Variants in EDIL3 observed in about 807,000 individuals in gnomAD.
The protein encoded by EDIL3 is EGF like and discoidin domains 3, also known as EGF-like repeat and discoidin I-like domain-containing protein 3.
A neutral mutation model predicts 67.4 loss-of-function variants in EDIL3; 37 were observed. That is an observed-to-expected ratio of 0.55 (90% confidence interval 0.42 to 0.72). The LOEUF is 0.72. Ranked by LOEUF, EDIL3 falls within the 30% of genes least tolerant of loss-of-function variation. The pLI is 0.00. For synonymous variants in EDIL3, 195 were observed against 196.3 expected (o/e 0.99, Z 0.05); for missense variants, 527 against 586.3 (o/e 0.90, Z 1.04).
At chr5:84,283,958 A>T (rs1005733090) in intron 1 of EDIL3, among the ~76,000 whole-genome samples, 1 of 152,142 alleles carries the variant, frequency 6.6e-6, no homozygotes, top group African/African-American at 2.4e-5. Flanking sequence ...TCTCATTCCC[A>T]GAGTTCAATC....
chr5:84,218,484 T>C (rs1463623712), intron 3 of EDIL3, among the ~76,000 whole-genome samples: 1 of 152,182 alleles, frequency 6.6e-6, no homozygotes, highest in South Asian at 2.1e-4. Context: ...CCTCCACCAA[T>C]TGTCCTCCCT....
intron 5 of EDIL3, among the ~76,000 whole-genome samples, chr5:84,135,837 A>G (rs1022924489): frequency 6.6e-6 from 1 of 151,800 alleles, no homozygotes; most frequent in African/African-American, 2.4e-5. Flanking sequence ...TTTTTTTCCC[A>G]ATTCAAGATT....
intron 6 of EDIL3, among the ~76,000 whole-genome samples, chr5:84,098,140 T>G (rs1223134316): frequency 6.6e-6 from 1 of 151,988 alleles, no homozygotes; most frequent in Non-Finnish European, 1.5e-5. Flanking sequence ...TTACCAACTC[T>G]TTAAATCCAG....
At chr5:84,013,370 A>T (rs1453758083) in intron 9 of EDIL3, among the ~76,000 whole-genome samples, 1 of 152,136 alleles carries the variant, frequency 6.6e-6, no homozygotes, top group African/African-American at 2.4e-5. Context: ...TGTAGTTTAG[A>T]GCAAGAGTGA....
At chr5:84,271,570 A>G (rs1001622948) in intron 1 of EDIL3, among the ~76,000 whole-genome samples, 1 of 152,132 alleles carries the variant, frequency 6.6e-6, no homozygotes, top group East Asian at 1.9e-4. Flanking sequence ...TGAAGCCCCC[A>G]GTCACTGATA....
At chr5:84,183,493 T>G (rs1488212852) in intron 3 of EDIL3, among the ~76,000 whole-genome samples, 3 of 152,152 alleles carry the variant, frequency 2.0e-5, no homozygotes, top group Non-Finnish European at 2.9e-5. Context: ...ATTATATAAT[T>G]TTAAGCAAAT....
chr5:84,000,880 T>G (rs572971394), intron 9 of EDIL3, among the ~76,000 whole-genome samples: 1 of 151,428 alleles, frequency 6.6e-6, no homozygotes, highest in Non-Finnish European at 1.5e-5. Context: ...CAGTAATAAA[T>G]AAATAAATAA....
chr5:84,143,669 A>G (rs1748244155), intron 4 of EDIL3, among the ~76,000 whole-genome samples: 1 of 152,092 alleles, frequency 6.6e-6, no homozygotes, highest in Non-Finnish European at 1.5e-5. Flanking sequence ...AAGGGATATA[A>G]AAGCCAAAAT....
intron 1 of EDIL3, among the ~76,000 whole-genome samples, chr5:84,304,727 T>C (rs1483371710): frequency 1.3e-5 from 2 of 152,202 alleles, no homozygotes; most frequent in Non-Finnish European, 2.9e-5. Flanking sequence ...TTTTACATAT[T>C]TATGACTAAA....
chr5:84,225,864 T>A (rs1744442083), intron 3 of EDIL3, among the ~76,000 whole-genome samples: 1 of 151,700 alleles, frequency 6.6e-6, no homozygotes, highest in East Asian at 1.9e-4. Flanking sequence ...TTTAGATAAG[T>A]CATGTATAGA....
intron 9 of EDIL3, among the ~76,000 whole-genome samples, chr5:83,995,065 T>A (rs1330849909): frequency 6.6e-6 from 1 of 152,048 alleles, no homozygotes; most frequent in African/African-American, 2.4e-5. Context: ...TGTAAAAGAC[T>A]TAATGACAAA....
chr5:83,971,584 T>G (rs12153242), intron 9 of EDIL3, among the ~76,000 whole-genome samples: 5,681 of 152,182 alleles, frequency 0.037, 150 homozygotes, highest in Non-Finnish European at 0.054. Flanking sequence ...CGTAGAATAT[T>G]TCCCACTTAA....
At chr5:84,179,403 C>T (rs556409477) in intron 4 of EDIL3, among the ~76,000 whole-genome samples, 42 of 152,282 alleles carry the variant, frequency 2.8e-4, no homozygotes, top group South Asian at 1.5e-3. Flanking sequence ...AAAGCACACA[C>T]GCCCATGCAC....
chr5:84,304,558 A>G (rs1200354149), intron 1 of EDIL3, among the ~76,000 whole-genome samples: 2 of 152,222 alleles, frequency 1.3e-5, no homozygotes, highest in East Asian at 1.9e-4. Flanking sequence ...TTCTAGTTCT[A>G]TGCATCCTGA....
chr5:83,975,319 C>T (rs1444944377), intron 9 of EDIL3, among the ~76,000 whole-genome samples: 2 of 151,994 alleles, frequency 1.3e-5, no homozygotes, highest in East Asian at 1.9e-4. Context: ...CAGTCTTAAG[C>T]TCTAAAACTA....
At chr5:83,978,474 A>G (rs1744911070) in intron 9 of EDIL3, among the ~76,000 whole-genome samples, 1 of 151,972 alleles carries the variant, frequency 6.6e-6, no homozygotes, top group African/African-American at 2.4e-5. Context: ...AGAATTTTGG[A>G]GAAATGTGCT....
chr5:84,144,668 G>A (rs192991540), intron 4 of EDIL3, among the ~76,000 whole-genome samples: 105 of 152,154 alleles, frequency 6.9e-4, no homozygotes, highest in Middle Eastern at 6.8e-3. Flanking sequence ...GTTGTCTGCA[G>A]ATCTAAGAGT....
At chr5:84,301,773 T>C (rs1746165410) in intron 1 of EDIL3, among the ~76,000 whole-genome samples, 2 of 152,216 alleles carry the variant, frequency 1.3e-5, no homozygotes, top group Admixed American at 1.3e-4. Flanking sequence ...TTAAGGAATA[T>C]CTCAGTAATT....
intron 3 of EDIL3, among the ~76,000 whole-genome samples, chr5:84,226,050 T>C (rs1274276466): frequency 6.6e-6 from 1 of 151,594 alleles, no homozygotes; most frequent in Non-Finnish European, 1.5e-5. Context: ...TTTAAAGAAA[T>C]TAACATATAT....
Sources: gnomAD v4.1 joint callset for allele counts (sites outside exome capture counted in the v4.1 genomes callset) on GRCh38, gnomAD v4.1.1 for gene constraint, MANE v1.5 for transcripts, NCBI Gene and HGNC (gene_info 2026-07-23, HGNC 2026-07-21) for gene names.